The following FOXP1 variants were observed in gnomAD, a reference collection of about 807,000 sequenced individuals.
FOXP1 encodes forkhead box P1.
FOXP1 carries 15 observed loss-of-function variants against 98.2 expected under a neutral mutation model. The observed-to-expected ratio is 0.15, with a 90% CI of 0.10 to 0.24. FOXP1 has a LOEUF of 0.24. FOXP1 is among the 10% of genes least tolerant of loss of function. FOXP1 has a pLI of 1.00. For missense variants in FOXP1, 633 were observed against 848.5 expected (o/e 0.75, Z 3.15); for synonymous variants, 371 against 314.5 (o/e 1.18, Z -1.90).
chr3:71,413,380 A>G (rs968600888), intron 3 of FOXP1, among the ~76,000 whole-genome samples: 16 of 151,632 alleles, frequency 1.1e-4, no homozygotes, highest in Admixed American at 6.6e-4. Context: ...AAAGAATGAT[A>G]CATACCTACA....
intron 5 of FOXP1, among the ~76,000 whole-genome samples, chr3:71,263,322 C>T (rs188236811): frequency 2.6e-5 from 4 of 152,148 alleles, no homozygotes; most frequent in African/African-American, 9.7e-5. Flanking sequence ...TGCAACACCA[C>T]GAAAGCCAGG....
At chr3:70,959,613 G>A (rs1437907683) in intron 20 of FOXP1, among the ~76,000 whole-genome samples, 1 of 152,140 alleles carries the variant, frequency 6.6e-6, no homozygotes, top group Non-Finnish European at 1.5e-5. Flanking sequence ...TATGTTCAAA[G>A]GCCCCATGTG....
intron 2 of FOXP1, among the ~76,000 whole-genome samples, chr3:71,565,570 A>G (rs1464326286): frequency 6.6e-6 from 1 of 152,214 alleles, no homozygotes; most frequent in Non-Finnish European, 1.5e-5. Flanking sequence ...CTCAGGCTAG[A>G]AAGAAAAAGC....
intron 2 of FOXP1, among the ~76,000 whole-genome samples, chr3:71,539,506 CAAA>C (rs34557857): frequency 6.9e-6 from 1 of 144,826 alleles, no homozygotes; most frequent in Non-Finnish European, 1.5e-5. Flanking sequence ...CGATTTCTGC[CAAA>C]AAAAAAAAAA....
chr3:71,501,015 A>G (rs578221533), intron 2 of FOXP1, among the ~76,000 whole-genome samples: 1 of 152,206 alleles, frequency 6.6e-6, no homozygotes, highest in African/African-American at 2.4e-5. Context: ...AACATGGTGA[A>G]ACCCTGTCTC....
intron 3 of FOXP1, among the ~76,000 whole-genome samples, chr3:71,460,931 C>G (rs771418474): frequency 8.6e-5 from 13 of 152,032 alleles, no homozygotes; most frequent in Non-Finnish European, 1.5e-5. Context: ...GATGGTGGTG[C>G]CTTTGACTGT....
At chr3:71,093,902 A>C (rs1415885363) in intron 7 of FOXP1, among the ~76,000 whole-genome samples, 1 of 152,174 alleles carries the variant, frequency 6.6e-6, no homozygotes, top group Non-Finnish European at 1.5e-5. Flanking sequence ...TTCTCATGAG[A>C]ATGCTGTATT....
intron 5 of FOXP1, among the ~76,000 whole-genome samples, chr3:71,270,066 C>G (rs2070184100): frequency 2.0e-5 from 3 of 152,168 alleles, no homozygotes; most frequent in African/African-American, 7.2e-5. Context: ...CTGAAGCCAG[C>G]AAAGTACATT....
chr3:71,225,582 A>G (rs58669410), intron 5 of FOXP1, among the ~76,000 whole-genome samples: 17,177 of 152,228 alleles, frequency 0.11, 1,162 homozygotes, highest in South Asian at 0.24. Flanking sequence ...AGAATTCTGT[A>G]AGATAAACAG....
At chr3:71,482,689 C>T (rs1577758614) in intron 3 of FOXP1, among the ~76,000 whole-genome samples, 2 of 152,158 alleles carry the variant, frequency 1.3e-5, no homozygotes, top group Non-Finnish European at 2.9e-5. Context: ...CGTCTGCCAC[C>T]ACACCTGGCC....
chr3:71,568,304 G>A (rs1240606835), intron 2 of FOXP1, among the ~76,000 whole-genome samples: 1 of 152,272 alleles, frequency 6.6e-6, no homozygotes, highest in East Asian at 1.9e-4. Flanking sequence ...TTAGATGGAT[G>A]AGTGCAAGCT....
chr3:71,270,695 A>G (rs2070259680), intron 5 of FOXP1, among the ~76,000 whole-genome samples: 1 of 152,222 alleles, frequency 6.6e-6, no homozygotes, highest in African/African-American at 2.4e-5. Flanking sequence ...GTTGATCTTA[A>G]TCTTCTTACA....
chr3:71,557,600 G>T (rs1216356971), intron 2 of FOXP1, among the ~76,000 whole-genome samples: 1 of 152,196 alleles, frequency 6.6e-6, no homozygotes, highest in Non-Finnish European at 1.5e-5. Flanking sequence ...ACATTCAACT[G>T]TCTGTCCCAC....
intron 6 of FOXP1, among the ~76,000 whole-genome samples, chr3:71,136,667 G>A (rs1418698239): frequency 6.6e-6 from 1 of 152,194 alleles, no homozygotes; most frequent in African/African-American, 2.4e-5. Flanking sequence ...TCTGTGCTAA[G>A]TCCATCAACA....
chr3:71,154,612 C>G (rs1207686106), intron 6 of FOXP1, among the ~76,000 whole-genome samples: 1 of 152,190 alleles, frequency 6.6e-6, no homozygotes, highest in African/African-American at 2.4e-5. Flanking sequence ...GCAAAGAACA[C>G]GGCTCTAGAG....
chr3:71,269,667 A>C (rs1379454568), intron 5 of FOXP1, among the ~76,000 whole-genome samples: 1 of 152,226 alleles, frequency 6.6e-6, no homozygotes, highest in Non-Finnish European at 1.5e-5. Context: ...ACTAGGGATA[A>C]TTAAAAGGGC....
At chr3:71,510,306 T>C (rs1233912026) in intron 2 of FOXP1, among the ~76,000 whole-genome samples, 1 of 151,004 alleles carries the variant, frequency 6.6e-6, no homozygotes, top group African/African-American at 2.4e-5. Context: ...TGAAACCCCG[T>C]CTCAACTAAA....
intron 2 of FOXP1, among the ~76,000 whole-genome samples, chr3:71,534,924 C>T (rs1359153078): frequency 6.6e-6 from 1 of 152,180 alleles, no homozygotes; most frequent in Admixed American, 6.5e-5. Flanking sequence ...GGGACACATA[C>T]GTGGCCAAGG....
At chr3:71,380,603 C>T (rs868478853) in intron 3 of FOXP1, among the ~76,000 whole-genome samples, 1 of 151,838 alleles carries the variant, frequency 6.6e-6, no homozygotes, top group South Asian at 2.1e-4. Context: ...ACATTACCAT[C>T]GACAACACTT....
Sources: gnomAD v4.1 joint callset for allele counts (sites outside exome capture counted in the v4.1 genomes callset) on GRCh38, gnomAD v4.1.1 for gene constraint, MANE v1.5 for transcripts, NCBI Gene and HGNC (gene_info 2026-07-23, HGNC 2026-07-21) for gene names.